KSR2: variants seen among roughly 807,000 people sequenced by gnomAD.
KSR2 encodes the protein kinase suppressor of ras 2.
A neutral mutation model predicts 107.8 loss-of-function variants in KSR2; 25 were observed. The observed-to-expected ratio is 0.23, with a 90% CI of 0.17 to 0.32. The LOEUF is 0.32. Ranked by LOEUF, KSR2 falls within the 10% of genes least tolerant of loss-of-function variation. KSR2 has a pLI of 1.00. For missense variants in KSR2, 887 were observed against 1,268.9 expected, an observed-to-expected ratio of 0.70 and a Z score of 4.57; for synonymous variants, 480 against 507.0, an observed-to-expected ratio of 0.95 and a Z score of 0.71.
chr12:117,958,982 G>A (rs963079610), intron 1 of KSR2, among the ~76,000 whole-genome samples: 34 of 152,174 alleles, frequency 2.2e-4, no homozygotes, highest in Non-Finnish European at 4.9e-4. Context: ...ATAGCTAGAA[G>A]AGAATAATCC....
At chr12:117,914,577 T>C (rs115650954) in intron 1 of KSR2, among the ~76,000 whole-genome samples, 1,658 of 152,322 alleles carry the variant, frequency 0.011, 31 homozygotes, top group African/African-American at 0.038. Flanking sequence ...CTCTATCACC[T>C]AGGCTAGAAT....
chr12:117,569,093 C>A (rs1014755660), intron 7 of KSR2, among the ~76,000 whole-genome samples: 2 of 152,200 alleles, frequency 1.3e-5, no homozygotes, highest in Admixed American at 1.3e-4. Flanking sequence ...CTCAAACCAG[C>A]CATGGCTTAC....
chr12:117,757,547 T>C (rs1888839947), intron 4 of KSR2, among the ~76,000 whole-genome samples: 1 of 152,258 alleles, frequency 6.6e-6, no homozygotes, highest in African/African-American at 2.4e-5. Flanking sequence ...AGAGAATTTT[T>C]TGTGAAAGGA....
rs1262808501 is a variant in KSR2, at chr12:117,527,054, TG to T, written c.1851+16del. 4 of 1,612,198 alleles carry T rather than the reference TG, an allele frequency of 2.5e-6. No homozygotes were observed. The African/African-American group carries it at 5.3e-5, about 22-fold the overall frequency. On this transcript the variant is annotated intron_variant, in intron 13 of 19. Coordinates refer to ENST00000339824, the MANE Select transcript of KSR2 (RefSeq NM_173598.6). ...CAGTCCCTGGAAAATGTCGCTTCAC[TG>T]CTCTCTGATTCTCACCTCCGACGTT... is the stretch of plus-strand genomic sequence containing the variant.
chr12:117,844,691 TC>T (rs910532299), intron 3 of KSR2, among the ~76,000 whole-genome samples: 3 of 152,092 alleles, frequency 2.0e-5, no homozygotes, highest in African/African-American at 7.2e-5. Flanking sequence ...CCAAGGACTT[TC>T]CAGACTTCCC....
intron 5 of KSR2, among the ~76,000 whole-genome samples, chr12:117,593,516 G>A (rs1439333481): frequency 6.6e-6 from 1 of 152,222 alleles, no homozygotes; most frequent in Non-Finnish European, 1.5e-5. Context: ...CAACTAGGGG[G>A]ACACAAACCC....
At chr12:117,733,692 A>C (rs1345109016) in intron 4 of KSR2, among the ~76,000 whole-genome samples, 1 of 152,098 alleles carries the variant, frequency 6.6e-6, no homozygotes, top group Non-Finnish European at 1.5e-5. Flanking sequence ...CTGGCTCACT[A>C]GAATGTTTTA....
chr12:117,454,734 A>T lies in KSR2; in HGVS notation c.*12465T>A, dbSNP rs2137084278. 1 of 152,304 alleles carries T rather than the reference A, an allele frequency of 6.6e-6. No individual in the cohort carries two copies. Among genetic ancestry groups the T allele is most frequent in the African/African-American group, 2.4e-5 (1 of 41,562 alleles). The allele number at this position is 152,304 out of a possible 1,614,324, so 9.4% of individuals were successfully genotyped here. A position where few individuals can be genotyped will look rare whatever the true frequency, so the allele number is the denominator to read the frequency against. ...CAACACTTCAGGGGCCTATTCATAG[A>T]GTGATATGAACTGTCCCAGAAAGAG... On this transcript the variant is annotated 3_prime_UTR_variant, in exon 20 of 20. Coordinates refer to ENST00000339824, the MANE Select transcript of KSR2 (RefSeq NM_173598.6).
At chr12:117,711,061 C>T (rs1355307940) in intron 4 of KSR2, among the ~76,000 whole-genome samples, 1 of 152,200 alleles carries the variant, frequency 6.6e-6, no homozygotes, top group African/African-American at 2.4e-5. Flanking sequence ...CTTCATTTCT[C>T]ATTGCACTCT....
At chr12:117,666,477 C>A (rs554970425) in intron 5 of KSR2, among the ~76,000 whole-genome samples, 1 of 152,240 alleles carries the variant, frequency 6.6e-6, no homozygotes, top group African/African-American at 2.4e-5. Context: ...AATCCCAGCT[C>A]AAATACTCAA....
intron 4 of KSR2, among the ~76,000 whole-genome samples, chr12:117,747,116 T>A (rs1888437350): frequency 6.6e-6 from 1 of 152,168 alleles, no homozygotes; most frequent in Non-Finnish European, 1.5e-5. Context: ...CATTCTACTA[T>A]AAAGACACAT....
At chr12:117,701,721 G>A (rs939784114) in intron 4 of KSR2, among the ~76,000 whole-genome samples, 3 of 152,148 alleles carry the variant, frequency 2.0e-5, no homozygotes, top group African/African-American at 7.2e-5. Context: ...CACAAGAGGA[G>A]AAGACACAGA....
At chr12:117,577,441 G>A (rs770812143) in intron 7 of KSR2, among the ~76,000 whole-genome samples, 4 of 152,294 alleles carry the variant, frequency 2.6e-5, no homozygotes, top group Non-Finnish European at 5.9e-5. Context: ...GAGGCACTGT[G>A]TTATGTTCTC....
intron 7 of KSR2, among the ~76,000 whole-genome samples, chr12:117,578,560 C>A (rs1260702597): frequency 1.3e-5 from 2 of 149,502 alleles, no homozygotes; most frequent in African/African-American, 4.9e-5. Context: ...CAAGATCACA[C>A]CACTGCACTC....
intron 5 of KSR2, among the ~76,000 whole-genome samples, chr12:117,623,159 A>T (rs967010216): frequency 1.3e-5 from 2 of 152,202 alleles, no homozygotes; most frequent in Non-Finnish European, 2.9e-5. Context: ...ACCAATGAAC[A>T]CTCAGAGGTG....
intron 1 of KSR2, among the ~76,000 whole-genome samples, chr12:117,945,135 TTC>T (rs1896141140): frequency 6.6e-6 from 1 of 152,092 alleles, no homozygotes; most frequent in Admixed American, 6.6e-5. Flanking sequence ...ACATCAACAC[TTC>T]TCTCTCTGTA....
chr12:117,904,527 C>T (rs1392146978), intron 1 of KSR2, among the ~76,000 whole-genome samples: 1 of 152,096 alleles, frequency 6.6e-6, no homozygotes, highest in African/African-American at 2.4e-5. Flanking sequence ...CCTTATTACC[C>T]CTGTTCCACA....
At chr12:117,791,465 C>T (rs1026765850) in intron 3 of KSR2, among the ~76,000 whole-genome samples, 1 of 152,080 alleles carries the variant, frequency 6.6e-6, no homozygotes, top group African/African-American at 2.4e-5. Flanking sequence ...TTGTTTATTG[C>T]CTAGAATGGA....
At chr12:117,931,684 C>A (rs935053802) in intron 1 of KSR2, among the ~76,000 whole-genome samples, 9 of 152,176 alleles carry the variant, frequency 5.9e-5, no homozygotes, top group African/African-American at 2.2e-4. Context: ...AGGCACGGAG[C>A]CCAAACCATA....
Sources: allele counts gnomAD v4.1 joint callset (sites outside exome capture counted in the v4.1 genomes callset), GRCh38; gene constraint gnomAD v4.1.1; transcripts MANE v1.5; gene names NCBI Gene and HGNC (gene_info 2026-07-23, HGNC 2026-07-21).